Variants in NCALD observed in about 807,000 individuals in gnomAD.
NCALD encodes neurocalcin-delta.
A neutral mutation model predicts 18.6 loss-of-function variants in NCALD; 10 were observed. That is an observed-to-expected ratio of 0.54 (90% CI 0.33 to 0.91). The LOEUF (loss-of-function observed/expected upper bound fraction) is 0.91, where lower values mean the gene tolerates loss of function less well. NCALD is among the 40% of genes least tolerant of loss of function. The pLI, the probability that NCALD is intolerant of heterozygous loss-of-function variation, is 0.03. For synonymous variants in NCALD, 88 were observed against 87.4 expected, an observed-to-expected ratio of 1.01 and a Z score of -0.04; for missense variants, 184 against 247.6, an observed-to-expected ratio of 0.74 and a Z score of 1.72.
chr8:101,813,177 C>T (rs573351894), intron 4 of NCALD, among the ~76,000 whole-genome samples: 167 of 152,100 alleles, frequency 1.1e-3, no homozygotes, highest in African/African-American at 3.5e-3. Context: ...GCTACTGGTG[C>T]TTGTCCAGGA....
intron 2 of NCALD, among the ~76,000 whole-genome samples, chr8:101,920,308 A>G (rs1325430807): frequency 6.6e-6 from 1 of 152,200 alleles, no homozygotes; most frequent in Non-Finnish European, 1.5e-5. Flanking sequence ...AATATTCTTT[A>G]AGAATTAAAA....
chr8:101,713,820 G>A (rs552775576), intron 2 of NCALD, among the ~76,000 whole-genome samples: 5 of 152,188 alleles, frequency 3.3e-5, no homozygotes, highest in South Asian at 2.1e-4. Context: ...GCCCAGGACC[G>A]GATGGATTCA....
intron 2 of NCALD, among the ~76,000 whole-genome samples, chr8:101,995,211 C>T (rs958490692): frequency 2.0e-5 from 3 of 152,244 alleles, no homozygotes; most frequent in Middle Eastern, 3.4e-3. Flanking sequence ...AACTAAGATG[C>T]GAGAAGGATC....
rs1034962304 is a variant in NCALD at position 102,121,708 on chromosome 8, C to G, written c.-210+2529G>C. On this transcript the variant is annotated intron_variant, in intron 1 of 6. Transcript: ENST00000311028. Reference sequence around the variant, plus strand: ...AGTAAGGAAAGAGAAGGGTTCAGATCGTTACATTTCTTCATTGTTAGTCTG... The same window carrying G: ...AGTAAGGAAAGAGAAGGGTTCAGATGGTTACATTTCTTCATTGTTAGTCTG... Among the ~76,000 whole-genome samples the G allele has an allele frequency of 2.0e-5, 3 of 152,286 alleles. No individual in the cohort carries two copies. The East Asian group carries it at 5.8e-4, about 29-fold the overall frequency.
intron 1 of NCALD, among the ~76,000 whole-genome samples, chr8:102,113,540 C>T (rs1288817189): frequency 6.6e-6 from 1 of 152,128 alleles, no homozygotes; most frequent in Non-Finnish European, 1.5e-5. Context: ...CAAAGGCAGA[C>T]GAATACAAAA....
chr8:101,840,333 G>A (rs540641725), intron 4 of NCALD, among the ~76,000 whole-genome samples: 10 of 152,304 alleles, frequency 6.6e-5, no homozygotes, highest in South Asian at 4.1e-4. Context: ...AAGAAATGAA[G>A]AGTCCACTGC....
chr8:102,094,644 T>C (rs1344916023), intron 1 of NCALD, among the ~76,000 whole-genome samples: 2 of 152,244 alleles, frequency 1.3e-5, no homozygotes, highest in African/African-American at 4.8e-5. Context: ...AATTTTATCT[T>C]CGAAAGTCCT....
At chr8:102,050,168 CAAAAAAA>C (rs71268541) in intron 1 of NCALD, among the ~76,000 whole-genome samples, 20 of 44,704 alleles carry the variant, frequency 4.5e-4, no homozygotes, top group South Asian at 3.6e-3. Flanking sequence ...GACTCCGTCT[CAAAAAAA>C]AAAAAAAAAA....
At chr8:101,916,591 G>T in intron 2 of NCALD, among the ~76,000 whole-genome samples, 1 of 152,060 alleles carries the variant, frequency 6.6e-6, no homozygotes, top group East Asian at 1.9e-4. Flanking sequence ...TTGGATAAAA[G>T]AATGAAGTCC....
intron 4 of NCALD, among the ~76,000 whole-genome samples, chr8:101,830,554 A>AT: frequency 6.6e-6 from 1 of 151,596 alleles, no homozygotes; most frequent in South Asian, 2.1e-4. Flanking sequence ...GTCTCAAAAA[A>AT]AAAAAAGAAA....
At chr8:101,921,493 T>C (rs886179007) in intron 2 of NCALD, among the ~76,000 whole-genome samples, 1 of 152,130 alleles carries the variant, frequency 6.6e-6, no homozygotes, top group African/African-American at 2.4e-5. Flanking sequence ...TACCAATAAC[T>C]ACAAAATGCA....
chr8:101,737,109 C>G (rs1809956253), intron 1 of NCALD, among the ~76,000 whole-genome samples: 1 of 152,136 alleles, frequency 6.6e-6, no homozygotes, highest in Admixed American at 6.5e-5. Context: ...ACAAGGAAAT[C>G]CTTGTCTCTC....
intron 2 of NCALD, among the ~76,000 whole-genome samples, chr8:101,940,767 C>G (rs762548774): frequency 2.0e-5 from 3 of 151,758 alleles, no homozygotes; most frequent in African/African-American, 7.3e-5. Flanking sequence ...AACTGGCCAG[C>G]CAATGAATGA....
At chr8:101,947,602 A>T (rs1819226586) in intron 2 of NCALD, among the ~76,000 whole-genome samples, 1 of 152,246 alleles carries the variant, frequency 6.6e-6, no homozygotes, top group Admixed American at 6.5e-5. Flanking sequence ...TGGACTAAAC[A>T]GCTGATATCA....
At chr8:101,820,258 T>G (rs1813666272) in intron 4 of NCALD, among the ~76,000 whole-genome samples, 1 of 152,208 alleles carries the variant, frequency 6.6e-6, no homozygotes, top group African/African-American at 2.4e-5. Context: ...GCTTTAACAT[T>G]TTTAAACCAG....
At chr8:101,891,106 A>G (rs974469278) in intron 3 of NCALD, among the ~76,000 whole-genome samples, 2 of 152,238 alleles carry the variant, frequency 1.3e-5, no homozygotes, top group Non-Finnish European at 1.5e-5. Flanking sequence ...GCAAGAATGA[A>G]CAATATTTGT....
chr8:102,050,551 T>C (rs1041952886), intron 1 of NCALD, among the ~76,000 whole-genome samples: 1 of 150,724 alleles, frequency 6.6e-6, no homozygotes, highest in Non-Finnish European at 1.5e-5. Context: ...GCACTTCCAA[T>C]TTTTTTAGGG....
chr8:101,971,125 A>G (rs141376649), intron 2 of NCALD, among the ~76,000 whole-genome samples: 147 of 152,296 alleles, frequency 9.7e-4, no homozygotes, highest in Middle Eastern at 3.4e-3. Flanking sequence ...GACTTTCCAG[A>G]CATCAGAATC....
intron 3 of NCALD, among the ~76,000 whole-genome samples, chr8:101,900,805 C>G (rs974062018): frequency 7.3e-5 from 11 of 151,650 alleles, no homozygotes; most frequent in African/African-American, 2.7e-4. Context: ...TTAGTCAATT[C>G]TTCTGTTGTT....
Sources: allele counts gnomAD v4.1 joint callset (sites outside exome capture counted in the v4.1 genomes callset), GRCh38; gene constraint gnomAD v4.1.1; transcripts MANE v1.5; gene names NCBI Gene and HGNC (gene_info 2026-07-23, HGNC 2026-07-21).